Variants in CIMIP1 observed in about 807,000 individuals in gnomAD.
The protein encoded by CIMIP1 is low in lung cancer 1.
At chr20:58,153,378 G>A in the CIMIP1 span, among the ~76,000 whole-genome samples, 1 of 152,186 alleles carries the variant, frequency 6.6e-6, no homozygotes, top group Non-Finnish European at 1.5e-5. Context: ...CTCCCTTGCT[G>A]GTGGGAGGTG....
At chr20:58,153,204 C>T in the CIMIP1 span, among the ~76,000 whole-genome samples, 1 of 152,146 alleles carries the variant, frequency 6.6e-6, no homozygotes, top group Admixed American at 6.5e-5. Context: ...GTGCCTCCTC[C>T]ACTTTTGCAC....
At chr20:58,155,347 G>A in the CIMIP1 span, 3 of 721,350 alleles carry the variant, frequency 4.2e-6, no homozygotes. Flanking sequence ...CCTTCTAGGG[G>A]AAGCAATGGG....
the CIMIP1 span, chr20:58,160,784 G>A: frequency 6.2e-7 from 1 of 1,613,744 alleles, no homozygotes. Flanking sequence ...AGGTGCTTTT[G>A]CACGAGAGCT....
chr20:58,160,617 C>T, the CIMIP1 span: 2 of 1,588,510 alleles, frequency 1.3e-6, no homozygotes, highest in East Asian at 2.3e-5. Context: ...TGCCTCGTGT[C>T]TCTGTGGCCG....
At chr20:58,155,458 T>C in the CIMIP1 span, 2 of 1,607,940 alleles carry the variant, frequency 1.2e-6, no homozygotes, top group African/African-American at 1.3e-5. Context: ...CTCTGGGGAT[T>C]CTGTTTCAGT....
At chr20:58,154,455 C>T in the CIMIP1 span, among the ~76,000 whole-genome samples, 2 of 152,202 alleles carry the variant, frequency 1.3e-5, no homozygotes, top group African/African-American at 2.4e-5. Flanking sequence ...AACTTCAGGA[C>T]AGAACACAAG....
At chr20:58,155,461 G>C in the CIMIP1 span, 1 of 1,610,662 alleles carries the variant, frequency 6.2e-7, no homozygotes, top group Non-Finnish European at 8.5e-7. Context: ...TGGGGATTCT[G>C]TTTCAGTTGA....
the CIMIP1 span, among the ~76,000 whole-genome samples, chr20:58,155,837 C>T: frequency 2.0e-5 from 3 of 152,212 alleles, no homozygotes; most frequent in Admixed American, 2.0e-4. Flanking sequence ...TTCATGCGTT[C>T]TTTCAGCAAA....
chr20:58,153,364 G>A, the CIMIP1 span, among the ~76,000 whole-genome samples: 3 of 152,112 alleles, frequency 2.0e-5, no homozygotes, highest in Admixed American at 6.5e-5. Flanking sequence ...CGTTAGCCAC[G>A]TGTCTCCCTT....
chr20:58,156,611 A>G, the CIMIP1 span, among the ~76,000 whole-genome samples: 1 of 152,184 alleles, frequency 6.6e-6, no homozygotes. Context: ...GATGGCTCTC[A>G]TTGCTAGTGG....
chr20:58,152,349 T>A, the CIMIP1 span, among the ~76,000 whole-genome samples: 1 of 151,524 alleles, frequency 6.6e-6, no homozygotes, highest in African/African-American at 2.4e-5. Flanking sequence ...CTTGGCTACC[T>A]AACACTTAAA....
At chr20:58,158,950 C>T in the CIMIP1 span, among the ~76,000 whole-genome samples, 1 of 152,172 alleles carries the variant, frequency 6.6e-6, no homozygotes, top group Admixed American at 6.5e-5. Flanking sequence ...AAGTTTGTCT[C>T]ATCCTTCTAA....
the CIMIP1 span, among the ~76,000 whole-genome samples, chr20:58,156,433 G>A: frequency 6.6e-6 from 1 of 152,168 alleles, no homozygotes; most frequent in African/African-American, 2.4e-5. Context: ...GATGCGACAG[G>A]AGCTTGGGTG....
the CIMIP1 span, among the ~76,000 whole-genome samples, chr20:58,159,342 C>G: frequency 6.6e-6 from 1 of 151,656 alleles, no homozygotes; most frequent in Non-Finnish European, 1.5e-5. Flanking sequence ...ATGGTGAAAC[C>G]CTGTCTCTAC....
chr20:58,152,945 T>C, the CIMIP1 span, among the ~76,000 whole-genome samples: 1 of 152,102 alleles, frequency 6.6e-6, no homozygotes, highest in African/African-American at 2.4e-5. Context: ...GATTCCAAGA[T>C]AGAAGAAACT....
chr20:58,155,512 C>T, the CIMIP1 span: 7 of 1,614,062 alleles, frequency 4.3e-6, no homozygotes, highest in African/African-American at 1.3e-5. Flanking sequence ...AGCCCAAAAT[C>T]GAGCTTCCTG....
chr20:58,151,732 G>C, the CIMIP1 span, among the ~76,000 whole-genome samples: 3 of 151,992 alleles, frequency 2.0e-5, no homozygotes, highest in Non-Finnish European at 4.4e-5. Context: ...TTTAAAAAAA[G>C]AAAGCAAAAA....
the CIMIP1 span, chr20:58,153,625 G>C: frequency 6.2e-7 from 1 of 1,606,138 alleles, no homozygotes; most frequent in Non-Finnish European, 8.5e-7. Flanking sequence ...CTTTTGAGGA[G>C]GTAAATATAA....
the CIMIP1 span, chr20:58,153,485 C>A: frequency 7.6e-7 from 1 of 1,314,208 alleles, no homozygotes; most frequent in Non-Finnish European, 1.1e-6. Flanking sequence ...GAAATGTCCC[C>A]CACAGACCCC....
Sources: gnomAD v4.1 joint callset for allele counts (sites outside exome capture counted in the v4.1 genomes callset) on GRCh38, gnomAD v4.1.1 for gene constraint, MANE v1.5 for transcripts, NCBI Gene and HGNC (gene_info 2026-07-23, HGNC 2026-07-21) for gene names.